Variants in LIN7A observed in about 807,000 individuals in gnomAD.
LIN7A encodes the protein lin-7 cell polarity scaffold A, also known as protein lin-7 homolog A.
Under a neutral mutation model 29.8 loss-of-function variants are expected in LIN7A, and 25 were observed. The ratio of observed to expected loss-of-function variants is 0.84; its 90% confidence interval spans 0.61 to 1.17. LIN7A has a LOEUF of 1.17. Ranked by LOEUF, LIN7A falls within the 50% of genes most tolerant of loss-of-function variation. LIN7A has a pLI of 0.00. For synonymous variants in LIN7A, 118 were observed against 107.5 expected (o/e 1.10, Z -0.60); for missense variants, 239 against 287.0 (o/e 0.83, Z 1.21).
At chr12:80,849,115 G>T (rs987054258) in intron 2 of LIN7A, among the ~76,000 whole-genome samples, 2 of 152,108 alleles carry the variant, frequency 1.3e-5, no homozygotes, top group Non-Finnish European at 2.9e-5. Flanking sequence ...GTACTAAAAA[G>T]GCAACAGTGC....
intron 4 of LIN7A, among the ~76,000 whole-genome samples, chr12:80,826,126 G>C (rs1872068105): frequency 6.6e-6 from 1 of 152,162 alleles, no homozygotes; most frequent in Non-Finnish European, 1.5e-5. Context: ...AAATTTAAAG[G>C]CTATTTCAGG....
intron 2 of LIN7A, among the ~76,000 whole-genome samples, chr12:80,880,753 A>G (rs191173102): frequency 0.068 from 7,846 of 116,152 alleles, 290 homozygotes; most frequent in Non-Finnish European, 0.086. Context: ...GAGGCAACGC[A>G]CACACACACA....
intron 4 of LIN7A, among the ~76,000 whole-genome samples, chr12:80,834,060 T>C (rs893927219): frequency 6.6e-6 from 1 of 152,176 alleles, no homozygotes; most frequent in Non-Finnish European, 1.5e-5. Context: ...TACAATGTCA[T>C]GTTCCCTTGA....
chr12:80,899,641 T>C (rs1350542142), intron 1 of LIN7A, among the ~76,000 whole-genome samples: 2 of 152,106 alleles, frequency 1.3e-5, no homozygotes, highest in Non-Finnish European at 2.9e-5. Context: ...GTATGCTGTG[T>C]ATTACTGATT....
chr12:80,843,487 C>T (rs934700988), intron 4 of LIN7A, among the ~76,000 whole-genome samples: 30 of 152,214 alleles, frequency 2.0e-4, no homozygotes, highest in East Asian at 3.9e-4. Context: ...TGCTAATTAA[C>T]GTTTGCTAAC....
intron 1 of LIN7A, among the ~76,000 whole-genome samples, chr12:80,910,017 T>C (rs1425209725): frequency 1.3e-5 from 2 of 152,184 alleles, no homozygotes; most frequent in East Asian, 3.8e-4. Flanking sequence ...TTCCAATCCC[T>C]TGAACAATGG....
At chr12:80,803,815 G>C (rs576425988) in intron 5 of LIN7A, among the ~76,000 whole-genome samples, 1 of 152,282 alleles carries the variant, frequency 6.6e-6, no homozygotes, top group East Asian at 1.9e-4. Context: ...GTAATTTGAA[G>C]TATGGGGTAC....
intron 2 of LIN7A, among the ~76,000 whole-genome samples, chr12:80,864,760 C>G (rs1422569101): frequency 1.3e-5 from 2 of 152,122 alleles, no homozygotes; most frequent in Non-Finnish European, 2.9e-5. Flanking sequence ...CATTTTCTCT[C>G]TAAAAGAGAA....
chr12:80,913,132 CTTAT>C (rs1260710885), intron 1 of LIN7A, among the ~76,000 whole-genome samples: 2 of 152,152 alleles, frequency 1.3e-5, no homozygotes, highest in Non-Finnish European at 2.9e-5. Flanking sequence ...CCGTCTGTTC[CTTAT>C]TTCTCTTCCA....
chr12:80,916,873 C>A (rs11114652), intron 1 of LIN7A, among the ~76,000 whole-genome samples: 42,002 of 152,022 alleles, frequency 0.28, 8,462 homozygotes, highest in African/African-American at 0.56. Context: ...CTCTGAGGTA[C>A]TTCTTATTTA....
intron 2 of LIN7A, among the ~76,000 whole-genome samples, chr12:80,864,629 C>T (rs1874048063): frequency 6.6e-6 from 1 of 152,066 alleles, no homozygotes; most frequent in Non-Finnish European, 1.5e-5. Context: ...ATTAAAAAGC[C>T]CAGACCTGAA....
intron 2 of LIN7A, among the ~76,000 whole-genome samples, chr12:80,872,866 G>A (rs1274679171): frequency 6.6e-6 from 1 of 152,074 alleles, no homozygotes; most frequent in African/African-American, 2.4e-5. Flanking sequence ...TCTAAAATAC[G>A]GAGTCAACAA....
intron 1 of LIN7A, 81 bp from the exon 2 acceptor site, chr12:80,889,450 T>G: frequency 1.2e-6 from 1 of 853,450 alleles, no homozygotes; most frequent in Non-Finnish European, 1.9e-6. Context: ...TCCAGTTGGA[T>G]GATGACATTG....
intron 1 of LIN7A, among the ~76,000 whole-genome samples, chr12:80,896,841 A>G (rs1875926936): frequency 6.6e-6 from 1 of 152,194 alleles, no homozygotes; most frequent in Non-Finnish European, 1.5e-5. Context: ...TGTTTGTCAG[A>G]CCTACTGCAA....
chr12:80,807,081 T>TTTTTTTTTG (rs1871063587), intron 5 of LIN7A, among the ~76,000 whole-genome samples: 1 of 135,582 alleles, frequency 7.4e-6, no homozygotes. Flanking sequence ...TTTTTTTTTT[T>TTTTTTTTTG]TTTTTTTTTT....
intron 2 of LIN7A, among the ~76,000 whole-genome samples, chr12:80,869,652 C>G (rs7964269): frequency 0.11 from 16,261 of 151,852 alleles, 2,262 homozygotes; most frequent in African/African-American, 0.33. Flanking sequence ...TTTGAGGATT[C>G]TAAGAAATAG....
Position 80,889,340 on chromosome 12 carries a change from T to C in LIN7A, c.112A>G (p.Lys38Glu), listed in dbSNP as rs897658530. The C allele has an allele frequency of 6.2e-6, 10 of 1,611,450 alleles. No individual in the cohort carries two copies. Among genetic ancestry groups the C allele is most frequent in the African/African-American group, 1.3e-5 (1 of 74,962 alleles). The change falls in exon 2 of 6, where the codon AAA (lysine) becomes GAA (glutamate). Residue 38 changes from lysine (K) to glutamate (E), a missense_variant. Transcript: ENST00000552864. Reference sequence around the variant, plus strand: ...GGTACTTCTCCAGATTCCTGTAGTTTTTCCAGTAATTCAATTGCTCTTGCA... The same window carrying C: ...GGTACTTCTCCAGATTCCTGTAGTTCTTCCAGTAATTCAATTGCTCTTGCA... ...DVARAIELLE[K>E]LQESGEVPVH...
At chr12:80,845,420 A>G (rs1873025602) in intron 4 of LIN7A, 1 of 246,026 alleles carries the variant, frequency 4.1e-6, no homozygotes, top group African/African-American at 2.2e-5. Context: ...TAGGATAAAA[A>G]GTATCTTGAA....
Position 80,937,885 on chromosome 12 carries a change from G to C in LIN7A, c.-163C>G. ...GATGGAGACGCAACTGTTCCGCGGCGGCAGATCTTCAGTTGCGGTGCGGAG... is the reference window on the plus strand; with the variant it reads ...GATGGAGACGCAACTGTTCCGCGGCCGCAGATCTTCAGTTGCGGTGCGGAG... On this transcript the variant is annotated 5_prime_UTR_variant, in exon 1 of 6. Transcript: ENST00000552864. The C allele has an allele frequency of 2.0e-6, 1 of 492,620 alleles. No homozygotes were observed. Among genetic ancestry groups the C allele is most frequent in the Non-Finnish European group, 3.5e-6 (1 of 282,720 alleles). The allele number at this position is 492,620 out of a possible 1,614,324, so 30.5% of individuals were successfully genotyped here. A position where few individuals can be genotyped will look rare whatever the true frequency, so the allele number is the denominator to read the frequency against.
Sources: gnomAD v4.1 joint callset for allele counts (sites outside exome capture counted in the v4.1 genomes callset) on GRCh38, gnomAD v4.1.1 for gene constraint, MANE v1.5 for transcripts, NCBI Gene and HGNC (gene_info 2026-07-23, HGNC 2026-07-21) for gene names.